The following DOCK4 variants were observed in gnomAD, a reference collection of about 807,000 sequenced individuals.
DOCK4 encodes dedicator of cytokinesis protein 4.
A neutral mutation model predicts 268.1 loss-of-function variants in DOCK4; 97 were observed. That is an observed-to-expected ratio of 0.36 (90% CI 0.31 to 0.43). DOCK4 has a LOEUF of 0.43. DOCK4 is among the 20% of genes least tolerant of loss of function. The pLI is 1.00. For synonymous variants in DOCK4, 954 were observed against 887.2 expected, an observed-to-expected ratio of 1.08 and a Z score of -1.34; for missense variants, 2,145 against 2,455.7, an observed-to-expected ratio of 0.87 and a Z score of 2.67.
chr7:111,971,745 G>A, intron 8 of DOCK4: 1 of 305,394 alleles, frequency 3.3e-6, no homozygotes, highest in Non-Finnish European at 5.9e-6. Flanking sequence ...GCTGTTTGGT[G>A]GTCCAAGGCC....
At chr7:111,874,212 C>A (rs932014931) in intron 17 of DOCK4, among the ~76,000 whole-genome samples, 1 of 152,130 alleles carries the variant, frequency 6.6e-6, no homozygotes, top group Admixed American at 6.5e-5. Context: ...TCCCACTCCA[C>A]CCCCATCCCA....
Position 111,744,917 on chromosome 7 carries a change from G to A in DOCK4, c.4677+1417C>T, listed in dbSNP as rs114183882. Among the ~76,000 whole-genome samples, 444 of 152,204 alleles carry A rather than the reference G, an allele frequency of 2.9e-3. 4 individuals carry two copies. Among genetic ancestry groups the A allele is most frequent in the African/African-American group, 0.01 (424 of 41,510 alleles). ...TAAAAGATGGATGAAAACCAGACAC[G>A]ACCTCATTTTCTAATCCAAAGAGCA... is the stretch of plus-strand genomic sequence containing the variant. On this transcript the variant is annotated intron_variant, in intron 44 of 52. Transcript: ENST00000428084.
chr7:111,742,837 C>A (rs2133448399), intron 44 of DOCK4, among the ~76,000 whole-genome samples: 1 of 152,068 alleles, frequency 6.6e-6, no homozygotes, highest in Admixed American at 6.5e-5. Context: ...ACTAAAAATA[C>A]AAAAATTAGC....
intron 1 of DOCK4, among the ~76,000 whole-genome samples, chr7:112,117,290 A>C (rs550710707): frequency 1.1e-4 from 17 of 152,202 alleles, no homozygotes; most frequent in Non-Finnish European, 2.1e-4. Flanking sequence ...TATTTATCGT[A>C]GTATTTGTGT....
intron 35 of DOCK4, among the ~76,000 whole-genome samples, chr7:111,782,371 A>G (rs1798836461): frequency 6.6e-6 from 1 of 152,222 alleles, no homozygotes; most frequent in South Asian, 2.1e-4. Flanking sequence ...CAAAAAAGCT[A>G]GAGTAAAAAT....
intron 36 of DOCK4, among the ~76,000 whole-genome samples, chr7:111,771,083 A>G (rs962617067): frequency 3.3e-5 from 5 of 152,222 alleles, no homozygotes; most frequent in Admixed American, 6.5e-5. Context: ...ACTTCTTTCA[A>G]TGCAAATAAA....
chr7:112,022,380 G>A lies in DOCK4; in HGVS notation c.38-18249C>T, dbSNP rs1346902372. Among the ~76,000 whole-genome samples the A allele has an allele frequency of 3.3e-5, 5 of 152,326 alleles. No individual in the cohort carries two copies. In the South Asian group the frequency reaches 6.2e-4, roughly 19 times the overall value. On this transcript the variant is annotated intron_variant, in intron 1 of 52. Coordinates refer to ENST00000428084, the MANE Select transcript of DOCK4 (RefSeq NM_001363540.2). The stretch of plus-strand genomic sequence containing the variant: ...CAATTTGCCAAAGGTCACAAAGCTC[G>A]GTGGTGGTACAGGAGAGGGTTCCGC...
intron 1 of DOCK4, among the ~76,000 whole-genome samples, chr7:112,030,961 T>C (rs1803221563): frequency 6.6e-6 from 1 of 152,232 alleles, no homozygotes. Context: ...CAGAAGTCAC[T>C]GGTCCATGTT....
chr7:111,858,452 G>A (rs910703357), intron 23 of DOCK4, among the ~76,000 whole-genome samples: 1 of 152,176 alleles, frequency 6.6e-6, no homozygotes, highest in Admixed American at 6.5e-5. Flanking sequence ...GCTAGACAGA[G>A]TTAAGTAAAC....
intron 1 of DOCK4, among the ~76,000 whole-genome samples, chr7:112,092,330 G>A (rs574870414): frequency 1.7e-4 from 26 of 152,096 alleles, no homozygotes; most frequent in African/African-American, 5.8e-4. Flanking sequence ...CACATTTTAG[G>A]GGTTTTCACA....
rs189223511 is a variant in DOCK4 at position 112,022,627 on chromosome 7, G to C, written c.38-18496C>G. Among the ~76,000 whole-genome samples the C allele has an allele frequency of 3.1e-3, 465 of 152,270 alleles. 1 individual carries two copies. The highest frequency in any genetic ancestry group is 0.02 in the Middle Eastern group (6 of 294). ...GGTAATAACAGTATTTGCCTCACAG[G>C]GTTCTGTGGGAATGGAATGAGTCCC... On this transcript the variant is annotated intron_variant, in intron 1 of 52. Transcript: ENST00000428084.
intron 12 of DOCK4, among the ~76,000 whole-genome samples, chr7:111,930,247 T>G (rs1052123450): frequency 1.3e-5 from 2 of 152,346 alleles, no homozygotes; most frequent in Middle Eastern, 3.4e-3. Context: ...AAAAGTTAAA[T>G]GGATTGCTTG....
intron 1 of DOCK4, among the ~76,000 whole-genome samples, chr7:112,046,489 A>G (rs968740576): frequency 2.0e-5 from 3 of 152,296 alleles, no homozygotes; most frequent in Admixed American, 6.5e-5. Flanking sequence ...TTCAATGGAC[A>G]TGTCTACCTA....
intron 10 of DOCK4, among the ~76,000 whole-genome samples, 162 bp downstream of exon 10, chr7:111,944,649 G>A (rs190819904): frequency 6.6e-6 from 1 of 152,312 alleles, no homozygotes; most frequent in Admixed American, 6.5e-5. Flanking sequence ...GTGGGGTTGG[G>A]AAGGTCTGGG....
chr7:111,836,006 C>A (rs1308730864), intron 25 of DOCK4, among the ~76,000 whole-genome samples: 1 of 152,044 alleles, frequency 6.6e-6, no homozygotes, highest in Non-Finnish European at 1.5e-5. Flanking sequence ...ATCCTTCAAG[C>A]TCAACATATA....
intron 5 of DOCK4, among the ~76,000 whole-genome samples, chr7:111,990,447 G>A (rs960318816): frequency 2.0e-5 from 3 of 152,188 alleles, no homozygotes; most frequent in Non-Finnish European, 4.4e-5. Context: ...ACAGCTGTAA[G>A]CTGCCAGAAA....
chr7:111,794,474 C>T (rs770988048), intron 30 of DOCK4, among the ~76,000 whole-genome samples: 1 of 151,924 alleles, frequency 6.6e-6, no homozygotes, highest in African/African-American at 2.4e-5. Flanking sequence ...ACACATGTGC[C>T]GGGACAAGAG....
chr7:111,751,129 C>T (rs1002385902), intron 42 of DOCK4, among the ~76,000 whole-genome samples: 1 of 152,142 alleles, frequency 6.6e-6, no homozygotes, highest in Admixed American at 6.5e-5. Flanking sequence ...ACCAGTAGCA[C>T]ATAACACCAA....
chr7:112,110,674 C>T (rs1484000356), intron 1 of DOCK4, among the ~76,000 whole-genome samples: 1 of 152,206 alleles, frequency 6.6e-6, no homozygotes, highest in African/African-American at 2.4e-5. Flanking sequence ...GAGACCTCAT[C>T]TCTGCCTGGA....
Sources: allele counts gnomAD v4.1 joint callset (sites outside exome capture counted in the v4.1 genomes callset), GRCh38; gene constraint gnomAD v4.1.1; transcripts MANE v1.5; gene names NCBI Gene and HGNC (gene_info 2026-07-23, HGNC 2026-07-21).